TM9SF3: variants seen among roughly 807,000 people sequenced by gnomAD.
TM9SF3 encodes transmembrane 9 superfamily member 3.
In TM9SF3, 14 loss-of-function variants were observed where a neutral mutation model predicts 78.6. The observed-to-expected ratio is 0.18, with a 90% CI of 0.12 to 0.28. The LOEUF is 0.28. TM9SF3 is among the 10% of genes least tolerant of loss of function. TM9SF3 has a pLI of 1.00. For missense variants in TM9SF3, 496 were observed against 721.9 expected (o/e 0.69, Z 3.59); for synonymous variants, 231 against 241.7 (o/e 0.96, Z 0.41).
chr10:96,582,298 C>A (rs1015697706), intron 1 of TM9SF3, among the ~76,000 whole-genome samples: 1 of 152,138 alleles, frequency 6.6e-6, no homozygotes, highest in Non-Finnish European at 1.5e-5. Flanking sequence ...ACAAGACTGG[C>A]GATCAGGAAG....
At chr10:96,538,196 CAA>C (rs1182918203) in intron 9 of TM9SF3, among the ~76,000 whole-genome samples, 6 of 152,200 alleles carry the variant, frequency 3.9e-5, no homozygotes, top group South Asian at 2.1e-4. Context: ...CAAAATGAAA[CAA>C]GAGAAAATCC....
At chr10:96,561,427 A>G (rs1408282563) in intron 4 of TM9SF3, among the ~76,000 whole-genome samples, 2 of 152,204 alleles carry the variant, frequency 1.3e-5, no homozygotes, top group African/African-American at 2.4e-5. Flanking sequence ...CTATGAGGCA[A>G]TAACTGGCAG....
intron 1 of TM9SF3, among the ~76,000 whole-genome samples, chr10:96,583,813 C>T (rs1422241924): frequency 1.3e-5 from 2 of 152,122 alleles, no homozygotes; most frequent in Non-Finnish European, 2.9e-5. Context: ...GCAGGCAGAT[C>T]ACCTGAGGTC....
chr10:96,553,628 G>C (rs1408760141), intron 5 of TM9SF3, among the ~76,000 whole-genome samples: 1 of 152,148 alleles, frequency 6.6e-6, no homozygotes, highest in African/African-American at 2.4e-5. Flanking sequence ...TCACCATCCT[G>C]AATGATTTGC....
intron 10 of TM9SF3, among the ~76,000 whole-genome samples, chr10:96,532,830 A>C (rs1455202069): frequency 6.6e-6 from 1 of 152,198 alleles, no homozygotes; most frequent in Non-Finnish European, 1.5e-5. Context: ...ATTTGACTTA[A>C]CTCTAAATGG....
At position 96,583,635 on chromosome 10, in the gene TM9SF3, G is replaced by A. The variant is rs562884657; in HGVS notation, c.102+3099C>T. On this transcript the variant is annotated intron_variant, in intron 1 of 14. Transcript: ENST00000371142. The stretch of plus-strand genomic sequence containing the variant: ...CCCTACCAGATGTGTGTTATCTGCA[G>A]GTGACCTCACCTCTCTAGATTCACT... Among the ~76,000 whole-genome samples, 15 of 151,644 alleles carry A rather than the reference G, an allele frequency of 9.9e-5. No homozygotes were observed. The South Asian group carries it at 2.7e-3, about 28-fold the overall frequency.
intron 9 of TM9SF3, 137 bp downstream of exon 9, chr10:96,543,939 C>G (rs1197634216): frequency 4.8e-6 from 4 of 830,698 alleles, no homozygotes; most frequent in Admixed American, 3.5e-5. Context: ...GTATTCTCCT[C>G]ATCTAACTTT....
At chr10:96,530,791 T>C (rs1266069825) in intron 10 of TM9SF3, among the ~76,000 whole-genome samples, 183 bp from the exon 11 acceptor site, 2 of 152,176 alleles carry the variant, frequency 1.3e-5, no homozygotes, top group African/African-American at 2.4e-5. Flanking sequence ...AAATTAGCCA[T>C]AGGTTACAAT....
chr10:96,525,281 T>C (rs1000995361), intron 14 of TM9SF3, among the ~76,000 whole-genome samples: 1 of 152,058 alleles, frequency 6.6e-6, no homozygotes, highest in Non-Finnish European at 1.5e-5. Flanking sequence ...TGACACAATG[T>C]AGTTTTAACC....
At chr10:96,554,544 G>A (rs990180214) in intron 5 of TM9SF3, among the ~76,000 whole-genome samples, 18 of 152,022 alleles carry the variant, frequency 1.2e-4, no homozygotes, top group Admixed American at 1.2e-3. Context: ...CATCTTCCAT[G>A]CTGGCTCCTC....
intron 9 of TM9SF3, among the ~76,000 whole-genome samples, chr10:96,539,338 AC>A (rs1242401746): frequency 8.8e-6 from 1 of 114,194 alleles, no homozygotes; most frequent in Non-Finnish European, 1.8e-5. Flanking sequence ...AGCCTGGGCT[AC>A]AGAGCAAGAC....
At position 96,522,123 on chromosome 10, in the gene TM9SF3, A is replaced by C. The variant is rs923759820; in HGVS notation, c.*140T>G. 2.7e-5 allele frequency: 18 copies of C among 670,810 alleles called. No individual in the cohort carries two copies. The African/African-American group carries it at 3.1e-4, about 11-fold the overall frequency. The allele number at this position is 670,810 out of a possible 1,614,324, so 41.6% of individuals were successfully genotyped here. On this transcript the variant is annotated 3_prime_UTR_variant, in exon 15 of 15. Transcript: ENST00000371142. ...ATCAATGGAAATAGATGTTACTTTA[A>C]GCCACCGACGAAAGAGAGACCCACA...
rs776103439 is a variant in TM9SF3 at position 96,553,075 on chromosome 10, A to G, written c.661-16T>C. On this transcript the variant is annotated splice_polypyrimidine_tract_variant and intron_variant, in intron 5 of 14. Coordinates refer to ENST00000371142, the MANE Select transcript of TM9SF3 (RefSeq NM_020123.4). ...ACCAATGAATCTAAAATAACAGAAA[A>G]TAAAATGTTACCAACCTGCAATATC... 3.8e-6 allele frequency: 6 copies of G among 1,581,638 alleles called. No homozygotes were observed. Among genetic ancestry groups the G allele is most frequent in the Non-Finnish European group, 4.3e-6 (5 of 1,169,710 alleles).
intron 9 of TM9SF3, among the ~76,000 whole-genome samples, chr10:96,542,747 C>T (rs1336457295): frequency 6.6e-6 from 1 of 150,610 alleles, no homozygotes; most frequent in Non-Finnish European, 1.5e-5. Context: ...AATTAGTTAC[C>T]TTTCCCTTTT....
At chr10:96,586,502 G>C (rs1249090591) in intron 1 of TM9SF3, among the ~76,000 whole-genome samples, 1 of 151,954 alleles carries the variant, frequency 6.6e-6, no homozygotes, top group East Asian at 2.0e-4. Context: ...CTGAGGCCCA[G>C]ACCGGGGGAA....
intron 9 of TM9SF3, among the ~76,000 whole-genome samples, chr10:96,540,502 C>A (rs974446241): frequency 1.3e-5 from 2 of 152,084 alleles, no homozygotes; most frequent in Admixed American, 1.3e-4. Flanking sequence ...AACTGCCTTG[C>A]GTATCTTAGG....
chr10:96,562,147 G>T lies in TM9SF3; in HGVS notation c.422-9C>A. On this transcript the variant is annotated splice_polypyrimidine_tract_variant and intron_variant, in intron 3 of 14. Transcript: ENST00000371142. The stretch of plus-strand genomic sequence containing the variant: ...AGCCTCACCAACAATACCTACAAAA[G>T]AAAAAACACTTTATACAAGGTAAAA... 3 of 1,568,842 alleles carry T rather than the reference G, an allele frequency of 1.9e-6. No homozygotes were observed. The highest frequency in any genetic ancestry group is 2.6e-6 in the Non-Finnish European group (3 of 1,156,804).
At chr10:96,575,468 G>C (rs1440366089) in intron 2 of TM9SF3, among the ~76,000 whole-genome samples, 2 of 151,622 alleles carry the variant, frequency 1.3e-5, no homozygotes, top group African/African-American at 4.9e-5. Context: ...CGGGGGGATG[G>C]GGAGGGGGGA....
At chr10:96,583,500 C>G (rs1161534689) in intron 1 of TM9SF3, among the ~76,000 whole-genome samples, 3 of 152,180 alleles carry the variant, frequency 2.0e-5, no homozygotes. Flanking sequence ...CCACTCAATA[C>G]CTAGTGCTTT....
Sources: allele counts gnomAD v4.1 joint callset (sites outside exome capture counted in the v4.1 genomes callset), GRCh38; gene constraint gnomAD v4.1.1; transcripts MANE v1.5; gene names NCBI Gene and HGNC (gene_info 2026-07-23, HGNC 2026-07-21).